The following MELK variants were observed in gnomAD, a reference collection of about 807,000 sequenced individuals.
MELK encodes maternal embryonic leucine zipper kinase.
A neutral mutation model predicts 85.0 loss-of-function variants in MELK; 81 were observed. That is an observed-to-expected ratio of 0.95 (90% CI 0.80 to 1.15). The LOEUF is 1.15. Ranked by LOEUF, MELK falls within the 50% of genes most tolerant of loss-of-function variation. The pLI is 0.00. For missense variants in MELK, 754 were observed against 777.5 expected (o/e 0.97, Z 0.36); for synonymous variants, 252 against 265.0 (o/e 0.95, Z 0.48).
chr9:36,615,379 T>A (rs1343914648), intron 8 of MELK, among the ~76,000 whole-genome samples: 1 of 127,108 alleles, frequency 7.9e-6, no homozygotes, highest in Non-Finnish European at 1.6e-5. Flanking sequence ...TCGGCACGGC[T>A]GGCCGGGCGG....
intron 8 of MELK, among the ~76,000 whole-genome samples, chr9:36,622,768 A>G (rs781229251): frequency 6.6e-6 from 1 of 152,216 alleles, no homozygotes; most frequent in Non-Finnish European, 1.5e-5. Flanking sequence ...GGAGTTTACT[A>G]CAGCATTATG....
chr9:36,598,215 A>G (rs1003257479), intron 6 of MELK, among the ~76,000 whole-genome samples: 3 of 150,330 alleles, frequency 2.0e-5, no homozygotes, highest in Admixed American at 6.6e-5. Context: ...ATTGACAAAC[A>G]TATAAAGAAA....
At chr9:36,600,070 C>T (rs577658010) in intron 7 of MELK, among the ~76,000 whole-genome samples, 1 of 151,472 alleles carries the variant, frequency 6.6e-6, no homozygotes, top group Non-Finnish European at 1.5e-5. Context: ...TATTTCAGGA[C>T]ATGTCCAAAT....
chr9:36,621,087 G>A (rs1165491962), intron 8 of MELK, among the ~76,000 whole-genome samples: 1 of 151,016 alleles, frequency 6.6e-6, no homozygotes, highest in East Asian at 2.0e-4. Flanking sequence ...TGGCCAACAC[G>A]GTGAAACCCC....
intron 8 of MELK, among the ~76,000 whole-genome samples, chr9:36,627,399 C>T (rs1473300553): frequency 3.3e-5 from 5 of 152,072 alleles, no homozygotes; most frequent in African/African-American, 4.8e-5. Flanking sequence ...ATGGACTGAC[C>T]TACAAGTGTT....
At chr9:36,604,456 G>A (rs1825274970) in intron 7 of MELK, among the ~76,000 whole-genome samples, 1 of 151,628 alleles carries the variant, frequency 6.6e-6, no homozygotes, top group Admixed American at 6.6e-5. Flanking sequence ...ATGCCACCAT[G>A]CCCTGCTAAT....
At chr9:36,584,494 A>ATTTTTTTTTT (rs1015431561) in intron 3 of MELK, among the ~76,000 whole-genome samples, 2 of 88,644 alleles carry the variant, frequency 2.3e-5, no homozygotes, top group African/African-American at 4.3e-5. Context: ...ATTTTTTTGT[A>ATTTTTTTTTT]TTTTTTTTTT....
intron 12 of MELK, among the ~76,000 whole-genome samples, chr9:36,652,931 G>T (rs1830857500): frequency 6.6e-6 from 1 of 151,900 alleles, no homozygotes; most frequent in Middle Eastern, 3.2e-3. Context: ...CAAAAAAATT[G>T]TTGGGAGTAA....
At chr9:36,671,980 G>A (rs1206519013) in intron 16 of MELK, among the ~76,000 whole-genome samples, 1 of 152,132 alleles carries the variant, frequency 6.6e-6, no homozygotes, top group Non-Finnish European at 1.5e-5. Flanking sequence ...CAAGAGGTGT[G>A]GGCCCAAGCA....
chr9:36,672,105 C>A (rs1172870341), intron 16 of MELK, among the ~76,000 whole-genome samples: 1 of 152,120 alleles, frequency 6.6e-6, no homozygotes, highest in African/African-American at 2.4e-5. Context: ...AAATGCTGAG[C>A]TTTTGGGCAG....
intron 12 of MELK, among the ~76,000 whole-genome samples, chr9:36,656,636 CT>C (rs926274072): frequency 8.8e-5 from 13 of 146,998 alleles, no homozygotes; most frequent in Non-Finnish European, 1.1e-4. Context: ...TTTTTTCTTT[CT>C]TTTTTTTTTA....
intron 4 of MELK, among the ~76,000 whole-genome samples, chr9:36,592,814 A>G (rs1239979918): frequency 2.0e-5 from 3 of 152,196 alleles, no homozygotes; most frequent in African/African-American, 7.2e-5. Flanking sequence ...ATAAATTTAC[A>G]TATAATAAAA....
intron 1 of MELK, among the ~76,000 whole-genome samples, chr9:36,574,656 T>G (rs950780810): frequency 6.6e-6 from 1 of 152,102 alleles, no homozygotes; most frequent in African/African-American, 2.4e-5. Flanking sequence ...ACTTCCTGTT[T>G]GAAATTATCC....
At chr9:36,622,261 G>T (rs768208911) in intron 8 of MELK, among the ~76,000 whole-genome samples, 1 of 152,108 alleles carries the variant, frequency 6.6e-6, no homozygotes, top group Non-Finnish European at 1.5e-5. Flanking sequence ...CTATTGTTCC[G>T]AGTCGCAGTG....
At chr9:36,675,400 C>G (rs147597846) in intron 17 of MELK, among the ~76,000 whole-genome samples, 7 of 152,318 alleles carry the variant, frequency 4.6e-5, no homozygotes, top group African/African-American at 1.4e-4. Context: ...AATTTATTCT[C>G]TTTTGTTTGG....
chr9:36,579,398 G>A (rs980618034), intron 1 of MELK, among the ~76,000 whole-genome samples: 5 of 152,226 alleles, frequency 3.3e-5, no homozygotes, highest in Admixed American at 1.3e-4. Context: ...TCCTGACCTC[G>A]TGATCCGCCC....
intron 13 of MELK, among the ~76,000 whole-genome samples, chr9:36,659,561 T>C (rs1051009347): frequency 1.3e-5 from 2 of 152,230 alleles, no homozygotes; most frequent in South Asian, 2.1e-4. Context: ...ATATTTTTAC[T>C]ATACCTTTTC....
chr9:36,630,230 T>A (rs1828398612), intron 8 of MELK, 69 bp from the exon 9 acceptor site: 2 of 1,140,738 alleles, frequency 1.8e-6, no homozygotes, highest in East Asian at 4.7e-5. Context: ...ACCTCCAGCA[T>A]GTTATTACCT....
At chr9:36,652,878 C>T (rs1830851631) in intron 12 of MELK, among the ~76,000 whole-genome samples, 1 of 151,742 alleles carries the variant, frequency 6.6e-6, no homozygotes. Context: ...CTTTTACACG[C>T]ATTCAAGTAC....
Sources: allele counts gnomAD v4.1 joint callset (sites outside exome capture counted in the v4.1 genomes callset), GRCh38; gene constraint gnomAD v4.1.1; transcripts MANE v1.5; gene names NCBI Gene and HGNC (gene_info 2026-07-23, HGNC 2026-07-21).